CCBE1: variants seen among roughly 807,000 people sequenced by gnomAD.
CCBE1 encodes collagen and calcium-binding EGF domain-containing protein 1.
A neutral mutation model predicts 50.0 loss-of-function variants in CCBE1; 37 were observed. That is an observed-to-expected ratio of 0.74 (90% CI 0.57 to 0.97). The LOEUF (loss-of-function observed/expected upper bound fraction) is 0.97, where lower values mean the gene tolerates loss of function less well. Ranked by LOEUF, CCBE1 falls within the 50% of genes least tolerant of loss-of-function variation. The pLI is 0.00. For missense variants in CCBE1, 538 were observed against 523.8 expected (o/e 1.03, Z -0.26); for synonymous variants, 234 against 203.7 (o/e 1.15, Z -1.27).
chr18:59,476,472 G>A (rs1052478847), intron 3 of CCBE1, among the ~76,000 whole-genome samples: 1 of 152,134 alleles, frequency 6.6e-6, no homozygotes, highest in Non-Finnish European at 1.5e-5. Flanking sequence ...TATGTTAAGG[G>A]GCCAGATGAT....
At chr18:59,645,978 C>T (rs527367328) in intron 2 of CCBE1, among the ~76,000 whole-genome samples, 1 of 151,906 alleles carries the variant, frequency 6.6e-6, no homozygotes, top group Non-Finnish European at 1.5e-5. Context: ...TTGCAGTGAG[C>T]CGAGATTGCG....
chr18:59,485,117 G>C (rs1405921453), intron 2 of CCBE1, among the ~76,000 whole-genome samples: 1 of 152,144 alleles, frequency 6.6e-6, no homozygotes, highest in African/African-American at 2.4e-5. Flanking sequence ...GTTGTAGCTT[G>C]GTTTTCCAAA....
intron 2 of CCBE1, among the ~76,000 whole-genome samples, chr18:59,571,293 T>TA (rs1476007542): frequency 1.3e-5 from 2 of 152,076 alleles, no homozygotes; most frequent in Non-Finnish European, 2.9e-5. Flanking sequence ...ATAGTGATTT[T>TA]AAAAAATCTA....
chr18:59,640,724 T>C (rs190134693), intron 2 of CCBE1, among the ~76,000 whole-genome samples: 45 of 152,214 alleles, frequency 3.0e-4, no homozygotes, highest in African/African-American at 1.0e-3. Context: ...GGAGAAAATA[T>C]CTACAAACTA....
Position 59,480,228 on chromosome 18 carries a change from A to T in CCBE1, c.223T>A (p.Cys75Ser), listed in dbSNP as rs121908250. ...ELTTCYRKKC[C>S]KGYKFVLGQC... ...CCAAGAACAAATTTATATCCTTTGC[A>T]GCACTTTTTCCTAAGAGACAAACAA... The change falls in exon 3 of 11, where the codon TGC becomes AGC. Residue 75 changes from cysteine to serine, a missense_variant. Cys to Ser is a moderately radical substitution (Grantham distance 112). Transcript: ENST00000439986. 1.7e-4 allele frequency: 271 copies of T among 1,596,906 alleles called. No individual in the cohort carries two copies. The highest frequency in any genetic ancestry group is 2.2e-4 in the Non-Finnish European group (260 of 1,164,976).
rs1368830591 is a variant in CCBE1, at chr18:59,435,604, A to G, written c.*304T>C. Reference sequence around the variant, plus strand: ...AATTTATGATTTAAGACACTGTGAGAGTACTTAAATCCAAAGTTCCTGGAA... The same window carrying G: ...AATTTATGATTTAAGACACTGTGAGGGTACTTAAATCCAAAGTTCCTGGAA... On this transcript the variant is annotated 3_prime_UTR_variant, in exon 11 of 11. Coordinates refer to ENST00000439986, the MANE Select transcript of CCBE1 (RefSeq NM_133459.4). 9 of 431,320 alleles carry G rather than the reference A, an allele frequency of 2.1e-5. No individual in the cohort carries two copies. Among genetic ancestry groups the G allele is most frequent in the Non-Finnish European group, 3.4e-5 (8 of 233,312 alleles). The allele number at this position is 431,320 out of a possible 1,614,324, so 26.7% of individuals were successfully genotyped here.
At chr18:59,566,762 T>A (rs1455332804) in intron 2 of CCBE1, among the ~76,000 whole-genome samples, 1 of 152,150 alleles carries the variant, frequency 6.6e-6, no homozygotes, top group East Asian at 1.9e-4. Flanking sequence ...TTAAATGCTA[T>A]CACCACTCTC....
chr18:59,521,844 AT>A (rs1914613314), intron 2 of CCBE1, among the ~76,000 whole-genome samples: 1 of 152,228 alleles, frequency 6.6e-6, no homozygotes, highest in Non-Finnish European at 1.5e-5. Context: ...AGTCATACTT[AT>A]TTTCTAAATA....
At position 59,685,137 on chromosome 18, in the gene CCBE1, T is replaced by C. The variant is rs79875725; in HGVS notation, c.212+11492A>G. On this transcript the variant is annotated intron_variant, in intron 2 of 10. Transcript: ENST00000439986. The stretch of plus-strand genomic sequence containing the variant: ...TGCAGTGCAGCAACAAAGCAAAATA[T>C]ATTTTTTTTAATGCACCAAAGGTCA... 3.1e-3 allele frequency among the ~76,000 whole-genome samples: 478 copies of C among 152,230 alleles called. 2 individuals are homozygous for C. Among genetic ancestry groups the C allele is most frequent in the African/African-American group, 0.011 (465 of 41,506 alleles).
intron 2 of CCBE1, among the ~76,000 whole-genome samples, chr18:59,652,282 A>G (rs1421180284): frequency 1.3e-5 from 2 of 152,218 alleles, no homozygotes; most frequent in African/African-American, 4.8e-5. Flanking sequence ...AGAATCAAGA[A>G]AAACTCAGCC....
At chr18:59,588,407 A>G (rs2053209538) in intron 2 of CCBE1, among the ~76,000 whole-genome samples, 1 of 152,162 alleles carries the variant, frequency 6.6e-6, no homozygotes, top group African/African-American at 2.4e-5. Context: ...TTATAAAGAA[A>G]GAAAAAAAAG....
intron 2 of CCBE1, among the ~76,000 whole-genome samples, chr18:59,522,949 G>A (rs1039322735): frequency 3.7e-5 from 5 of 134,328 alleles, no homozygotes; most frequent in African/African-American, 1.5e-4. Context: ...CAGAGATCGC[G>A]CCACTGCACT....
chr18:59,662,655 T>G (rs554089430), intron 2 of CCBE1, among the ~76,000 whole-genome samples: 17 of 152,278 alleles, frequency 1.1e-4, no homozygotes, highest in African/African-American at 3.1e-4. Flanking sequence ...TAACAGCAGG[T>G]TCAGGGAGAC....
intron 2 of CCBE1, among the ~76,000 whole-genome samples, chr18:59,553,266 C>G (rs1421558311): frequency 6.6e-6 from 1 of 152,210 alleles, no homozygotes; most frequent in Non-Finnish European, 1.5e-5. Context: ...TGCATTATAG[C>G]TCAATTGATG....
chr18:59,641,320 T>C (rs2053986780), intron 2 of CCBE1, among the ~76,000 whole-genome samples: 1 of 152,070 alleles, frequency 6.6e-6, no homozygotes, highest in Admixed American at 6.5e-5. Context: ...GGGATGGAGC[T>C]AAAAGCAAAC....
At chr18:59,492,144 C>CAAAAAAA (rs869190811) in intron 2 of CCBE1, among the ~76,000 whole-genome samples, 24 of 78,420 alleles carry the variant, frequency 3.1e-4, no homozygotes, top group African/African-American at 7.6e-4. Flanking sequence ...GACTTTGTCT[C>CAAAAAAA]AAAAAAAAAA....
chr18:59,605,084 G>A (rs1045441521), intron 2 of CCBE1, among the ~76,000 whole-genome samples: 1 of 152,198 alleles, frequency 6.6e-6, no homozygotes, highest in African/African-American at 2.4e-5. Flanking sequence ...GCAAAGGCTG[G>A]GAAAAGTGCC....
At position 59,512,026 on chromosome 18, in the gene CCBE1, A is replaced by G. The variant is rs534941409; in HGVS notation, c.213-31788T>C. Reference sequence around the variant, plus strand: ...GGCTTAATAGTTCCTCTGTAGCCATATGATAAATCTTCTTTTTCACCTGAG... The same window carrying G: ...GGCTTAATAGTTCCTCTGTAGCCATGTGATAAATCTTCTTTTTCACCTGAG... On this transcript the variant is annotated intron_variant, in intron 2 of 10. Transcript: ENST00000439986. Among the ~76,000 whole-genome samples the G allele has an allele frequency of 2.0e-4, 17 of 83,900 alleles. No homozygotes were observed. The East Asian group carries it at 6.6e-3, about 32-fold the overall frequency. 55.0% of individuals were successfully genotyped at this position (83,900 alleles called of 152,430 possible). A position where few individuals can be genotyped will look rare whatever the true frequency, so the allele number is the denominator to read the frequency against.
intron 10 of CCBE1, 91 bp downstream of exon 10, chr18:59,438,020 G>A (rs1273145105): frequency 7.8e-6 from 10 of 1,287,412 alleles, no homozygotes; most frequent in South Asian, 1.2e-5. Context: ...GGAAGGGGCG[G>A]GCTTTTGCTA....
Sources: allele counts gnomAD v4.1 joint callset (sites outside exome capture counted in the v4.1 genomes callset), GRCh38; gene constraint gnomAD v4.1.1; transcripts MANE v1.5; gene names NCBI Gene and HGNC (gene_info 2026-07-23, HGNC 2026-07-21).